The following KIRREL3 variants were observed in gnomAD, a reference collection of about 807,000 sequenced individuals.
KIRREL3 encodes the protein kin of IRRE-like protein 3.
In KIRREL3, 36 loss-of-function variants were observed where a neutral mutation model predicts 89.7. That is an observed-to-expected ratio of 0.40 (90% CI 0.31 to 0.53). KIRREL3 has a LOEUF of 0.53. KIRREL3 is among the 20% of genes least tolerant of loss of function. The pLI, the probability that KIRREL3 is intolerant of heterozygous loss-of-function variation, is 0.49. For synonymous variants in KIRREL3, 445 were observed against 441.4 expected (o/e 1.01, Z -0.10); for missense variants, 864 against 1,056.6 (o/e 0.82, Z 2.53).
Position 126,564,299 on chromosome 11 carries a change from C to A in KIRREL3, c.56-1387G>T, listed in dbSNP as rs910186805. On this transcript the variant is annotated intron_variant, in intron 1 of 16. Transcript: ENST00000525144. The surrounding 1 kb of genome is among the most constrained non-coding windows in gnomAD (Gnocchi z 7.4). ...TCCTCTTCCATCCACCGTCTGCAGC[C>A]CAGGTCCACCCACCAAGCATAGCAG... Among the ~76,000 whole-genome samples the A allele has an allele frequency of 6.6e-6, 1 of 152,190 alleles. No homozygotes were observed. Among genetic ancestry groups the A allele is most frequent in the African/African-American group, 2.4e-5 (1 of 41,454 alleles).
rs142109363 is a variant in KIRREL3 at position 126,891,485 on chromosome 11, G to T, written c.55+108970C>A. On this transcript the variant is annotated intron_variant, in intron 1 of 16. Coordinates refer to ENST00000525144, the MANE Select transcript of KIRREL3 (RefSeq NM_032531.4). The surrounding 1 kb of genome is among the most constrained non-coding windows in gnomAD (Gnocchi z 5.1). ...TGTCCTACTAAATGCCTGCAAAGTG[G>T]CTGTCTTTGAGAGCGCTCCACAGTC... Among the ~76,000 whole-genome samples, 53 of 152,332 alleles carry T rather than the reference G, an allele frequency of 3.5e-4. No homozygotes were observed. In the East Asian group the frequency reaches 6.0e-3, roughly 17 times the overall value.
At position 126,698,216 on chromosome 11, in the gene KIRREL3, C is replaced by G. The variant is rs182964178; in HGVS notation, c.56-135304G>C. 1.9e-3 allele frequency among the ~76,000 whole-genome samples: 284 copies of G among 152,318 alleles called. 4 individuals carry two copies. Among genetic ancestry groups the G allele is most frequent in the Non-Finnish European group, 4.9e-4 (33 of 68,034 alleles). ...TTACACCATTCCATCTGTCTATCAG[C>G]AGGTTTTTTACTGTGCCTTACTGCT... On this transcript the variant is annotated intron_variant, in intron 1 of 16. Transcript: ENST00000525144.
At chr11:126,720,971 G>A (rs1338337858) in intron 1 of KIRREL3, among the ~76,000 whole-genome samples, 1 of 152,182 alleles carries the variant, frequency 6.6e-6, no homozygotes, top group Non-Finnish European at 1.5e-5. Context: ...CTTGAGAGAG[G>A]GGAGAGAGAG....
At chr11:126,881,329 T>A (rs1000038251) in intron 1 of KIRREL3, among the ~76,000 whole-genome samples, 6 of 152,292 alleles carry the variant, frequency 3.9e-5, no homozygotes, top group African/African-American at 1.4e-4. Flanking sequence ...TTCAGATCAG[T>A]GCCCTTGTTA....
At chr11:126,507,871 T>C (rs1231950811) in intron 4 of KIRREL3, among the ~76,000 whole-genome samples, 1 of 152,090 alleles carries the variant, frequency 6.6e-6, no homozygotes, top group African/African-American at 2.4e-5. Context: ...TCTGGAAGAG[T>C]AAGAGGACCA....
rs1445968501 is a variant in KIRREL3 at position 126,557,579 on chromosome 11, A to G, written c.133+5256T>C. Among the ~76,000 whole-genome samples, 2 of 152,184 alleles carry G rather than the reference A, an allele frequency of 1.3e-5. No individual in the cohort carries two copies. Among genetic ancestry groups the G allele is most frequent in the Non-Finnish European group, 2.9e-5 (2 of 68,030 alleles). On this transcript the variant is annotated intron_variant, in intron 2 of 16. Transcript: ENST00000525144. The surrounding 1 kb of genome is among the most constrained non-coding windows in gnomAD (Gnocchi z 5.6). ...CACTCTTAAGTGCTCCTCCCACTAC[A>G]CATCCCAGCTGTGGGGCACCTCTCT...
rs1347833569 is a variant in KIRREL3, at chr11:126,425,732, C to A, written c.1807-8G>T. 2 of 1,587,224 alleles carry A rather than the reference C, an allele frequency of 1.3e-6. No homozygotes were observed. The highest frequency in any genetic ancestry group is 1.7e-6 in the Non-Finnish European group (2 of 1,165,658). On this transcript the variant is annotated splice_region_variant and splice_polypyrimidine_tract_variant and intron_variant, in intron 15 of 16. Coordinates refer to ENST00000525144, the MANE Select transcript of KIRREL3 (RefSeq NM_032531.4). ...GAATTCACCCCGGTCCATCTGCAAC[C>A]CAAAAAAGGCTGCTCAGTAGATAGG...
At chr11:126,456,517 G>A (rs1355269825) in intron 6 of KIRREL3, 63 bp from the exon 7 acceptor site, 7 of 1,099,690 alleles carry the variant, frequency 6.4e-6, no homozygotes, top group Admixed American at 4.3e-5. Context: ...GATCCTGGGC[G>A]ACATGGAGGA....
rs1157461829 is a variant in KIRREL3, at chr11:126,475,651, A to G, written c.434-2185T>C. ...GCTCTTGAGCCGGGAGGAAGCAGGCATGAATGGGATGGATGGAGAAGACGA... is the reference window on the plus strand; with the variant it reads ...GCTCTTGAGCCGGGAGGAAGCAGGCGTGAATGGGATGGATGGAGAAGACGA... On this transcript the variant is annotated intron_variant, in intron 4 of 16. Transcript: ENST00000525144. This position sits in a 1 kb window ranked among gnomAD's most constrained non-coding sequence, Gnocchi z 7.5. Among the ~76,000 whole-genome samples, 3 of 152,030 alleles carry G rather than the reference A, an allele frequency of 2.0e-5. No individual in the cohort carries two copies. Among genetic ancestry groups the G allele is most frequent in the African/African-American group, 4.8e-5 (2 of 41,386 alleles).
chr11:126,868,631 C>T (rs1442654228), intron 1 of KIRREL3, among the ~76,000 whole-genome samples: 2 of 152,052 alleles, frequency 1.3e-5, no homozygotes, highest in African/African-American at 2.4e-5. Flanking sequence ...TACTATAAGC[C>T]CGGATTCTAT....
Position 126,463,057 on chromosome 11 carries a change from C to A in KIRREL3, c.742+100G>T. The A allele has an allele frequency of 8.4e-7, 1 of 1,186,938 alleles. No individual in the cohort carries two copies. The highest frequency in any genetic ancestry group is 2.0e-5 in the Admixed American group (1 of 49,696). The allele number at this position is 1,186,938 out of a possible 1,614,324, so 73.5% of individuals were successfully genotyped here. ...TGGCCAATCCACAGAGCTGCCTGACCCATTTCCTGCTATCAGATGGGCCAG... is the reference window on the plus strand; with the variant it reads ...TGGCCAATCCACAGAGCTGCCTGACACATTTCCTGCTATCAGATGGGCCAG... On this transcript the variant is annotated intron_variant, in intron 6 of 16. Transcript: ENST00000525144. This position sits in a 1 kb window ranked among gnomAD's most constrained non-coding sequence, Gnocchi z 5.9.
At position 127,000,236 on chromosome 11, in the gene KIRREL3, C is replaced by T. The variant is rs189358933; in HGVS notation, c.55+219G>A. 1.1e-4 allele frequency among the ~76,000 whole-genome samples: 16 copies of T among 152,322 alleles called. No individual in the cohort carries two copies. Among genetic ancestry groups the T allele is most frequent in the African/African-American group, 3.8e-4 (16 of 41,580 alleles). On this transcript the variant is annotated intron_variant, in intron 1 of 16. Coordinates refer to ENST00000525144, the MANE Select transcript of KIRREL3 (RefSeq NM_032531.4). This position sits in a 1 kb window ranked among gnomAD's most constrained non-coding sequence, Gnocchi z 7.1. ...CAAGTGAGAGGAGAAAGTCATTCCC[C>T]TCCCCTCCCATACCCCTTCTTTCCA...
At position 126,754,623 on chromosome 11, in the gene KIRREL3, A is replaced by T. The variant is rs956742306; in HGVS notation, c.56-191711T>A. Among the ~76,000 whole-genome samples the T allele has an allele frequency of 2.6e-5, 4 of 151,978 alleles. No homozygotes were observed. The highest frequency in any genetic ancestry group is 4.8e-5 in the African/African-American group (2 of 41,382). On this transcript the variant is annotated intron_variant, in intron 1 of 16. Coordinates refer to ENST00000525144, the MANE Select transcript of KIRREL3 (RefSeq NM_032531.4). The surrounding 1 kb of genome is among the most constrained non-coding windows in gnomAD (Gnocchi z 5.1). ...AATTAAAGGGATCATTTTTAAAGTCACCAGGGAGTTCGTGCGCACTCAGTG... is the reference window on the plus strand; with the variant it reads ...AATTAAAGGGATCATTTTTAAAGTCTCCAGGGAGTTCGTGCGCACTCAGTG...
Position 126,531,909 on chromosome 11 carries a change from T to G in KIRREL3, c.134-5222A>C, listed in dbSNP as rs1376010808. On this transcript the variant is annotated intron_variant, in intron 2 of 16. Coordinates refer to ENST00000525144, the MANE Select transcript of KIRREL3 (RefSeq NM_032531.4). This position sits in a 1 kb window ranked among gnomAD's most constrained non-coding sequence, Gnocchi z 4.7. ...AGTTTGCCTGCTCTGGTTGGTCTGC[T>G]GAGATCGGTGGTCACTACAGGAAAA... Among the ~76,000 whole-genome samples the G allele has an allele frequency of 6.6e-6, 1 of 152,178 alleles. No homozygotes were observed. Among genetic ancestry groups the G allele is most frequent in the East Asian group, 1.9e-4 (1 of 5,196 alleles).
intron 1 of KIRREL3, among the ~76,000 whole-genome samples, chr11:126,735,414 C>G (rs951822359): frequency 1.3e-5 from 2 of 152,152 alleles, no homozygotes; most frequent in African/African-American, 4.8e-5. Flanking sequence ...GAGCTTCCAC[C>G]GGCCCCATTT....
chr11:126,742,780 A>G lies in KIRREL3; in HGVS notation c.56-179868T>C, dbSNP rs1165673259. 2.0e-5 allele frequency among the ~76,000 whole-genome samples: 3 copies of G among 152,262 alleles called. No homozygotes were observed. Among genetic ancestry groups the G allele is most frequent in the African/African-American group, 7.2e-5 (3 of 41,478 alleles). The stretch of plus-strand genomic sequence containing the variant: ...AGCTTCAGGGTGAGGTTAGGCAGCT[A>G]GAACGTTATTGATCAACAACTTTGC... On this transcript the variant is annotated intron_variant, in intron 1 of 16. Coordinates refer to ENST00000525144, the MANE Select transcript of KIRREL3 (RefSeq NM_032531.4). The surrounding 1 kb of genome is among the most constrained non-coding windows in gnomAD (Gnocchi z 5.3).
At chr11:126,967,051 C>G (rs1949293464) in intron 1 of KIRREL3, among the ~76,000 whole-genome samples, 1 of 152,132 alleles carries the variant, frequency 6.6e-6, no homozygotes, top group Admixed American at 6.5e-5. Context: ...GCCCAGAGAG[C>G]TGACAATCTC....
intron 1 of KIRREL3, among the ~76,000 whole-genome samples, chr11:126,661,452 C>A (rs1177797910): frequency 6.6e-6 from 1 of 152,178 alleles, no homozygotes; most frequent in Non-Finnish European, 1.5e-5. Context: ...AAGGAGGAGG[C>A]ACATTACTCA....
In KIRREL3 at chr11:126,528,941, C is replaced by A. The variant is rs1185674974; in HGVS notation, c.134-2254G>T. 6.6e-6 allele frequency among the ~76,000 whole-genome samples: 1 copy of A among 152,160 alleles called. No individual in the cohort carries two copies. Among genetic ancestry groups the A allele is most frequent in the Admixed American group, 6.6e-5 (1 of 15,264 alleles). On this transcript the variant is annotated intron_variant, in intron 2 of 16. Coordinates refer to ENST00000525144, the MANE Select transcript of KIRREL3 (RefSeq NM_032531.4). This position sits in a 1 kb window ranked among gnomAD's most constrained non-coding sequence, Gnocchi z 4.6. ...ACAGCTCATCCTTTTATCTCAAAAT[C>A]TTTCTTACAAGAAGGACAGAGTCAA... is the stretch of plus-strand genomic sequence containing the variant.
Sources: allele counts gnomAD v4.1 joint callset (sites outside exome capture counted in the v4.1 genomes callset), GRCh38; gene constraint gnomAD v4.1.1; non-coding constraint Gnocchi (gnomAD v3.1); transcripts MANE v1.5; gene names NCBI Gene and HGNC (gene_info 2026-07-23, HGNC 2026-07-21).